Variants in CNTN2 observed in about 807,000 individuals in gnomAD.
CNTN2 encodes the protein contactin-2.
Under a neutral mutation model 117.5 loss-of-function variants are expected in CNTN2, and 53 were observed. The observed-to-expected ratio is 0.45, with a 90% CI of 0.36 to 0.57. The LOEUF (loss-of-function observed/expected upper bound fraction) is 0.57, where lower values mean the gene tolerates loss of function less well. Among genes scored for constraint, CNTN2 ranks in the 20% least tolerant of loss-of-function variants. The pLI is 0.00. For synonymous variants in CNTN2, 530 were observed against 561.7 expected (o/e 0.94, Z 0.80); for missense variants, 1,106 against 1,404.3 (o/e 0.79, Z 3.39).
At position 205,076,934 on chromosome 1, in the gene CNTN2, G is replaced by C. The variant is rs966620229; in HGVS notation, c.*3169G>C. On this transcript the variant is annotated 3_prime_UTR_variant, in exon 23 of 23. Coordinates refer to ENST00000331830, the MANE Select transcript of CNTN2 (RefSeq NM_005076.5). ...CTTTTCATAAAGTAACAACAGACGA[G>C]ACTGAGGTTAAACATCAGAAAAAAA... 3.3e-5 allele frequency: 5 copies of C among 152,178 alleles called. No individual in the cohort carries two copies. The highest frequency in any genetic ancestry group is 1.2e-4 in the African/African-American group (5 of 41,440). The allele number at this position is 152,178 out of a possible 1,614,324, so 9.4% of individuals were successfully genotyped here.
At position 205,059,103 on chromosome 1, in the gene CNTN2, C is replaced by T. The variant is rs1196011563; in HGVS notation, c.507C>T (p.Leu169=). 3 of 1,614,206 alleles carry T rather than the reference C, an allele frequency of 1.9e-6. No individual in the cohort carries two copies. Among genetic ancestry groups the T allele is most frequent in the Non-Finnish European group, 2.5e-6 (3 of 1,180,040 alleles). ...AHYPGLSYRW[L]LNEFPNFIPT... ...TCCTAGGCTTGTCCTACCGCTGGCT[C>T]CTCAACGAGTTCCCCAACTTCATCC... Residue 169 remains leucine, a synonymous_variant, in exon 6 of 23, where the codon CTC becomes CTT. Coordinates refer to ENST00000331830, the MANE Select transcript of CNTN2 (RefSeq NM_005076.5). This position sits in a 1 kb window ranked among gnomAD's most constrained non-coding sequence, Gnocchi z 5.6.
chr1:205,065,385 G>A lies in CNTN2; in HGVS notation c.1695+123G>A, dbSNP rs1317251874. On this transcript the variant is annotated intron_variant, in intron 13 of 22. Transcript: ENST00000331830. This position sits in a 1 kb window ranked among gnomAD's most constrained non-coding sequence, Gnocchi z 4.1. The stretch of plus-strand genomic sequence containing the variant: ...AGCCTAAGCGCCCCCATTCCCTCAG[G>A]CCCACACATGGCAAGCTCATCCTTG... 2 of 991,518 alleles carry A rather than the reference G, an allele frequency of 2.0e-6. No individual in the cohort carries two copies. The highest frequency in any genetic ancestry group is 3.0e-6 in the Non-Finnish European group (2 of 668,146). 61.4% of individuals were successfully genotyped at this position (991,518 alleles called of 1,614,324 possible).
In CNTN2 at chr1:205,059,278, A is replaced by T; in HGVS notation, c.682A>T (p.Asn228Tyr). ...KSVFSKFAQL[N>Y]LAAEDTRLFA... ...CGTCTTCAGCAAGTTTGCTCAGCTC[A>T]ACCTGGCTGCTGAAGGTCAGGCTTG... Residue 228 changes from asparagine (N) to tyrosine (Y), a missense_variant, in exon 6 of 23, where the codon AAC becomes TAC. Transcript: ENST00000331830. The surrounding 1 kb of genome is among the most constrained non-coding windows in gnomAD (Gnocchi z 5.6). 1 of 1,613,872 alleles carries T rather than the reference A, an allele frequency of 6.2e-7. No homozygotes were observed. Among genetic ancestry groups the T allele is most frequent in the East Asian group, 2.2e-5 (1 of 44,876 alleles).
chr1:205,072,185 G>A lies in CNTN2; in HGVS notation c.2731+52G>A, dbSNP rs762226016. On this transcript the variant is annotated intron_variant, in intron 20 of 22. Coordinates refer to ENST00000331830, the MANE Select transcript of CNTN2 (RefSeq NM_005076.5). ...TAGGGCAATATTTTGGAGGGTGGGT[G>A]CCTCTGAGATCATTCCTTCCCCAAT... is the stretch of plus-strand genomic sequence containing the variant. The A allele has an allele frequency of 4.6e-6, 7 of 1,508,700 alleles. 1 individual carries two copies. In the South Asian group the frequency reaches 6.3e-5, roughly 14 times the overall value. 93.5% of individuals were successfully genotyped at this position (1,508,700 alleles called of 1,614,324 possible).
chr1:205,061,170 G>T lies in CNTN2; in HGVS notation c.798-75G>T, dbSNP rs1653956912. 2.7e-6 allele frequency: 4 copies of T among 1,487,566 alleles called. No individual in the cohort carries two copies. The highest frequency in any genetic ancestry group is 3.6e-6 in the Non-Finnish European group (4 of 1,096,770). 92.1% of individuals were successfully genotyped at this position (1,487,566 alleles called of 1,614,324 possible). A position where few individuals can be genotyped will look rare whatever the true frequency, so the allele number is the denominator to read the frequency against. On this transcript the variant is annotated intron_variant, in intron 7 of 22. Transcript: ENST00000331830. The surrounding 1 kb of genome is among the most constrained non-coding windows in gnomAD (Gnocchi z 4.8). The stretch of plus-strand genomic sequence containing the variant: ...CATCTCAGGAGGGCCTGAGAGTCTG[G>T]GTATGAGGAGCTGCGGGCACTGGAG...
At position 205,070,047 on chromosome 1, in the gene CNTN2, A is replaced by C; in HGVS notation, c.2417A>C (p.Tyr806Ser). 1.2e-6 allele frequency: 2 copies of C among 1,613,630 alleles called. No homozygotes were observed. Among genetic ancestry groups the C allele is most frequent in the Non-Finnish European group, 8.5e-7 (1 of 1,180,016 alleles). ...CCCGAGAGCCTCACTGCACTCGTGTACTCAGCTGAGGAAGGTGGGCTGCCC... is the reference window on the plus strand; with the variant it reads ...CCCGAGAGCCTCACTGCACTCGTGTCCTCAGCTGAGGAAGGTGGGCTGCCC... Reference protein sequence around the residue: ...DGPESLTALVYSAEEEPRVAP... With the variant: ...DGPESLTALVSSAEEEPRVAP... Residue 806 changes from tyrosine to serine, a missense_variant, in exon 18 of 23, where the codon TAC becomes TCC. Transcript: ENST00000331830.
At position 205,070,180 on chromosome 1, in the gene CNTN2, A is replaced by G. The variant is rs1027023092; in HGVS notation, c.2431+119A>G. On this transcript the variant is annotated intron_variant, in intron 18 of 22. Transcript: ENST00000331830. ...TTCCATAGGAGGAGGTTGAGAGGAC[A>G]CCTGGGTTCCACATCATTGGCCTCA... is the stretch of plus-strand genomic sequence containing the variant. 14 of 995,148 alleles carry G rather than the reference A, an allele frequency of 1.4e-5. No individual in the cohort carries two copies. The Admixed American group carries it at 2.6e-4, about 18-fold the overall frequency. The allele number at this position is 995,148 out of a possible 1,614,324, so 61.6% of individuals were successfully genotyped here. A position where few individuals can be genotyped will look rare whatever the true frequency, so the allele number is the denominator to read the frequency against.
Position 205,072,412 on chromosome 1 carries a change from G to C in CNTN2, c.2732-71G>C, listed in dbSNP as rs544609739. On this transcript the variant is annotated intron_variant, in intron 20 of 22. Transcript: ENST00000331830. ...AGAGGCAAACATCCAGAGAAGGGCT[G>C]GTTAAAGGTGAGGGGGTGCGGGGTG... The C allele has an allele frequency of 2.3e-6, 3 of 1,288,786 alleles. No individual in the cohort carries two copies. In the African/African-American group the frequency reaches 4.4e-5, roughly 19 times the overall value. 79.8% of individuals were successfully genotyped at this position (1,288,786 alleles called of 1,614,324 possible). A position where few individuals can be genotyped will look rare whatever the true frequency, so the allele number is the denominator to read the frequency against.
rs1654815357 is a variant in CNTN2, at chr1:205,075,539, A to C, written c.*1774A>C. On this transcript the variant is annotated 3_prime_UTR_variant, in exon 23 of 23. Transcript: ENST00000331830. ...TCCGAGCCTGTTTTCTGTAGTTTAT[A>C]GTTAGAGCTCTATTTTGTTATGGTT... 1 of 152,618 alleles carries C rather than the reference A, an allele frequency of 6.6e-6. No homozygotes were observed. The highest frequency in any genetic ancestry group is 2.4e-5 in the African/African-American group (1 of 41,444). 9.5% of individuals were successfully genotyped at this position (152,618 alleles called of 1,614,324 possible).
Position 205,065,696 on chromosome 1 carries a change from G to A in CNTN2, c.1696-93G>A, listed in dbSNP as rs1654243954. On this transcript the variant is annotated intron_variant, in intron 13 of 22. Coordinates refer to ENST00000331830, the MANE Select transcript of CNTN2 (RefSeq NM_005076.5). The surrounding 1 kb of genome is among the most constrained non-coding windows in gnomAD (Gnocchi z 4.1). ...GGGGTCCATGGATGTCATGGAGTAGGGGACTCCCAAGCGCTGCCTCATGTC... is the reference window on the plus strand; with the variant it reads ...GGGGTCCATGGATGTCATGGAGTAGAGGACTCCCAAGCGCTGCCTCATGTC... 1.3e-6 allele frequency: 2 copies of A among 1,584,540 alleles called. No homozygotes were observed. Among genetic ancestry groups the A allele is most frequent in the Non-Finnish European group, 1.7e-6 (2 of 1,162,248 alleles).
intron 19 of CNTN2, among the ~76,000 whole-genome samples, chr1:205,071,650 A>G (rs981681153): frequency 2.0e-5 from 3 of 152,300 alleles, no homozygotes; most frequent in South Asian, 2.1e-4. Flanking sequence ...TAGCCCCCCA[A>G]GTTAATGAAA....
Position 205,058,335 on chromosome 1 carries a change from G to A in CNTN2, c.370G>A (p.Glu124Lys). Residue 124 changes from glutamate (E) to lysine (K), a missense_variant, in exon 4 of 23, where the codon GAG becomes AAG. Physicochemically the swap from Glu to Lys is moderately conservative, Grantham distance 56. Coordinates refer to ENST00000331830, the MANE Select transcript of CNTN2 (RefSeq NM_005076.5). This position sits in a 1 kb window ranked among gnomAD's most constrained non-coding sequence, Gnocchi z 4.3. ...CCCAGTGGGCACCGTTGTCAGCAGG[G>A]AGGCCATCCTCCGCTTCGGCTGTGA... ...SNPVGTVVSR[E>K]AILRFGFLQE... The A allele has an allele frequency of 1.3e-6, 2 of 1,526,694 alleles. No homozygotes were observed. The highest frequency in any genetic ancestry group is 1.8e-6 in the Non-Finnish European group (2 of 1,135,880). 94.6% of individuals were successfully genotyped at this position (1,526,694 alleles called of 1,614,324 possible).
chr1:205,061,495 G>A lies in CNTN2; in HGVS notation c.973+75G>A. 6.8e-7 allele frequency: 1 copy of A among 1,461,726 alleles called. No homozygotes were observed. The highest frequency in any genetic ancestry group is 9.1e-7 in the Non-Finnish European group (1 of 1,098,522). The allele number at this position is 1,461,726 out of a possible 1,614,324, so 90.5% of individuals were successfully genotyped here. A position where few individuals can be genotyped will look rare whatever the true frequency, so the allele number is the denominator to read the frequency against. On this transcript the variant is annotated intron_variant, in intron 8 of 22. Transcript: ENST00000331830. This position sits in a 1 kb window ranked among gnomAD's most constrained non-coding sequence, Gnocchi z 4.8. The stretch of plus-strand genomic sequence containing the variant: ...CTTCACCCTTGTCCCCAAGGAAACA[G>A]ACCCAAAAGTCAGGGAGGAGACTGG...
Position 205,064,422 on chromosome 1 carries a change from G to A in CNTN2, c.1341G>A (p.Lys447=). The A allele has an allele frequency of 2.5e-6, 4 of 1,613,008 alleles. No individual in the cohort carries two copies. Among genetic ancestry groups the A allele is most frequent in the Non-Finnish European group, 3.4e-6 (4 of 1,179,118 alleles). ...CCTGCCAGCCCCGGGCAGCTCCAAA[G>A]GCCGTGGTGCTCTGGAGCAAAGGCA... is the stretch of plus-strand genomic sequence containing the variant. ...LIPCQPRAAP[K]AVVLWSKGTE... is the part of the protein sequence containing the mutation. Residue 447 remains lysine, a synonymous_variant, in exon 11 of 23, where the codon AAG becomes AAA. Transcript: ENST00000331830.
At chr1:205,069,452 C>T (rs1275947418) in intron 16 of CNTN2, 39 bp from the exon 17 acceptor site, 1 of 1,602,280 alleles carries the variant, frequency 6.2e-7, no homozygotes, top group Non-Finnish European at 8.5e-7. Flanking sequence ...TTTCCTTGCT[C>T]ATTAACAAGC....
chr1:205,045,003 A>G (rs1009546784), intron 1 of CNTN2, among the ~76,000 whole-genome samples: 2 of 152,188 alleles, frequency 1.3e-5, no homozygotes, highest in African/African-American at 4.8e-5. Context: ...TCCTCAGCGA[A>G]TAAGAGGGAG....
chr1:205,070,080 C>T lies in CNTN2; in HGVS notation c.2431+19C>T, dbSNP rs1654510987. ...GAGGAAGGTGGGCTGCCCCTGGGCC[C>T]CCTGCTCGTCCCTACCCCAGCCACT... On this transcript the variant is annotated intron_variant, in intron 18 of 22. Transcript: ENST00000331830. The T allele has an allele frequency of 1.2e-6, 2 of 1,607,408 alleles. No homozygotes were observed. The highest frequency in any genetic ancestry group is 1.7e-6 in the Non-Finnish European group (2 of 1,175,520).
intron 1 of CNTN2, among the ~76,000 whole-genome samples, chr1:205,049,727 C>T (rs904724863): frequency 6.6e-6 from 1 of 152,256 alleles, no homozygotes; most frequent in Non-Finnish European, 1.5e-5. Context: ...GATGATTGAG[C>T]ACCTTCTCTG....
At position 205,043,337 on chromosome 1, in the gene CNTN2, G is replaced by A. The variant is rs968889721; in HGVS notation, c.-144G>A. On this transcript the variant is annotated 5_prime_UTR_variant, in exon 1 of 23. Coordinates refer to ENST00000331830, the MANE Select transcript of CNTN2 (RefSeq NM_005076.5). ...AGGGGCTGGCGGCCCGGCCGGCCCC[G>A]GCTCACCGACTCGGGCAGCATCCAC... 2.0e-5 allele frequency: 3 copies of A among 152,466 alleles called. No homozygotes were observed. The highest frequency in any genetic ancestry group is 7.2e-5 in the African/African-American group (3 of 41,574). The allele number at this position is 152,466 out of a possible 1,614,324, so 9.4% of individuals were successfully genotyped here. A position where few individuals can be genotyped will look rare whatever the true frequency, so the allele number is the denominator to read the frequency against.
Sources: gnomAD v4.1 joint callset for allele counts (sites outside exome capture counted in the v4.1 genomes callset) on GRCh38, gnomAD v4.1.1 for gene constraint, Gnocchi (gnomAD v3.1) non-coding constraint, MANE v1.5 for transcripts, NCBI Gene and HGNC (gene_info 2026-07-23, HGNC 2026-07-21) for gene names.